The following CADM1 variants were observed in gnomAD, a reference collection of about 807,000 sequenced individuals.
CADM1 encodes cell adhesion molecule 1.
CADM1 carries 15 observed loss-of-function variants against 53.1 expected under a neutral mutation model. The ratio of observed to expected loss-of-function variants is 0.28; its 90% CI spans 0.19 to 0.44. The LOEUF (loss-of-function observed/expected upper bound fraction) is 0.44. Ranked by LOEUF, CADM1 falls within the 20% of genes least tolerant of loss-of-function variation. The pLI, the probability that CADM1 is intolerant of heterozygous loss-of-function variation, is 1.00. For missense variants in CADM1, 434 were observed against 611.3 expected (o/e 0.71, Z 3.06); for synonymous variants, 281 against 243.0 (o/e 1.16, Z -1.45).
At chr11:115,310,495 A>G (rs1944503557) in intron 1 of CADM1, among the ~76,000 whole-genome samples, 3 of 152,054 alleles carry the variant, frequency 2.0e-5, no homozygotes, top group Admixed American at 1.3e-4. Flanking sequence ...CCATGTATGT[A>G]TGGGGGGGTG....
chr11:115,461,129 ACACATACT>A (rs1343057841), intron 1 of CADM1, among the ~76,000 whole-genome samples: 11 of 152,118 alleles, frequency 7.2e-5, no homozygotes, highest in Non-Finnish European at 1.5e-4. Flanking sequence ...ACACACACAC[ACACATACT>A]TGTATTATAT....
chr11:115,369,331 G>A (rs45545346), intron 1 of CADM1, among the ~76,000 whole-genome samples: 1,847 of 152,236 alleles, frequency 0.012, 14 homozygotes, highest in Non-Finnish European at 0.022. Context: ...TAAGAAAGCT[G>A]TAATTTTTAA....
intron 10 of CADM1, among the ~76,000 whole-genome samples, chr11:115,187,134 A>G (rs1939599245): frequency 1.3e-5 from 2 of 152,254 alleles, no homozygotes; most frequent in Admixed American, 1.3e-4. Context: ...TAACTTAAAT[A>G]TATCTATACA....
intron 1 of CADM1, among the ~76,000 whole-genome samples, chr11:115,243,322 T>G (rs2134930884): frequency 6.6e-6 from 1 of 152,228 alleles, no homozygotes; most frequent in East Asian, 1.9e-4. Flanking sequence ...CCTAGCTATG[T>G]TAACATGGTT....
chr11:115,390,249 AC>A (rs1591771322), intron 1 of CADM1, among the ~76,000 whole-genome samples: 2 of 152,120 alleles, frequency 1.3e-5, no homozygotes, highest in African/African-American at 4.8e-5. Context: ...CACATTTCTT[AC>A]CACTCCTGCT....
chr11:115,327,261 G>A (rs780291753), intron 1 of CADM1, among the ~76,000 whole-genome samples: 31 of 151,982 alleles, frequency 2.0e-4, no homozygotes, highest in African/African-American at 7.0e-4. Context: ...CAAATGAAAG[G>A]CAGATCAGGA....
rs139037924 is a variant in CADM1, at chr11:115,423,678, G to C, written c.124+80593C>G. On this transcript the variant is annotated intron_variant, in intron 1 of 11. Coordinates refer to ENST00000331581, the MANE Select transcript of CADM1 (RefSeq NM_001301043.2). Reference sequence around the variant, plus strand: ...ACCTTATTAGGTAATATTGATTTAAGTAGAGGGGAACTCTTGAAGTTTTTA... The same window carrying C: ...ACCTTATTAGGTAATATTGATTTAACTAGAGGGGAACTCTTGAAGTTTTTA... Among the ~76,000 whole-genome samples, 96 of 152,290 alleles carry C rather than the reference G, an allele frequency of 6.3e-4. 1 individual carries two copies. The East Asian group carries it at 0.015, about 24-fold the overall frequency.
intron 1 of CADM1, among the ~76,000 whole-genome samples, chr11:115,463,861 T>G (rs549555772): frequency 7.9e-6 from 1 of 126,672 alleles, no homozygotes; most frequent in Non-Finnish European, 1.6e-5. Flanking sequence ...CTTTTTTTTT[T>G]TGGGCCGGGG....
Position 115,393,156 on chromosome 11 carries a change from ATGCT to A in CADM1, c.124+111111_124+111114del, listed in dbSNP as rs1027003676. On this transcript the variant is annotated intron_variant, in intron 1 of 11. Transcript: ENST00000331581. The stretch of plus-strand genomic sequence containing the variant: ...AATTATTATATAGTCTTTAAAACAT[ATGCT>A]TGAAGAATATTTACAAAGACAGAAG... Among the ~76,000 whole-genome samples, 3 of 151,536 alleles carry A rather than the reference ATGCT, an allele frequency of 2.0e-5. No homozygotes were observed. In the East Asian group the frequency reaches 5.8e-4, roughly 29 times the overall value.
At chr11:115,497,977 A>G (rs1322796046) in intron 1 of CADM1, among the ~76,000 whole-genome samples, 1 of 122,870 alleles carries the variant, frequency 8.1e-6, no homozygotes, top group Non-Finnish European at 1.8e-5. Context: ...AAGAGCCTCA[A>G]AAAAAAAAAA....
intron 1 of CADM1, among the ~76,000 whole-genome samples, chr11:115,348,134 A>T (rs1443793120): frequency 6.6e-6 from 1 of 152,196 alleles, no homozygotes; most frequent in Non-Finnish European, 1.5e-5. Context: ...CCTATTGAAA[A>T]GAGAAACCAC....
At chr11:115,416,754 A>C (rs1326639030) in intron 1 of CADM1, among the ~76,000 whole-genome samples, 1 of 151,728 alleles carries the variant, frequency 6.6e-6, no homozygotes, top group Non-Finnish European at 1.5e-5. Context: ...TTGTACTCAC[A>C]GTGTAAAAAC....
intron 1 of CADM1, among the ~76,000 whole-genome samples, chr11:115,367,310 C>G (rs1946190379): frequency 6.6e-6 from 1 of 152,168 alleles, no homozygotes; most frequent in Admixed American, 6.5e-5. Context: ...AAAAAACAAA[C>G]AAGGTGTGCT....
At position 115,173,677 on chromosome 11, in the gene CADM1, CTTCTTTTTT is replaced by C. The variant is rs1938879505; in HGVS notation, c.*2788_*2796del. The C allele has an allele frequency of 2.0e-6, 1 of 499,028 alleles. No individual in the cohort carries two copies. The highest frequency in any genetic ancestry group is 9.1e-5 in the South Asian group (1 of 10,990). 30.9% of individuals were successfully genotyped at this position (499,028 alleles called of 1,614,324 possible). A position where few individuals can be genotyped will look rare whatever the true frequency, so the allele number is the denominator to read the frequency against. On this transcript the variant is annotated 3_prime_UTR_variant, in exon 12 of 12. Coordinates refer to ENST00000331581, the MANE Select transcript of CADM1 (RefSeq NM_001301043.2). ...TTAAGAAGACAGATATTTTATAGTA[CTTCTTTTTT>C]TTCTTTTTTTTTTTGTAAAAATGGT...
chr11:115,336,004 C>G (rs1456612135), intron 1 of CADM1, among the ~76,000 whole-genome samples: 1 of 152,126 alleles, frequency 6.6e-6, no homozygotes, highest in Non-Finnish European at 1.5e-5. Flanking sequence ...TATAGTTTAA[C>G]TCAATCTCCC....
At chr11:115,495,055 A>G (rs1189980552) in intron 1 of CADM1, among the ~76,000 whole-genome samples, 1 of 152,234 alleles carries the variant, frequency 6.6e-6, no homozygotes, top group Non-Finnish European at 1.5e-5. Flanking sequence ...CGTACAAGGA[A>G]AAGTGAAATT....
chr11:115,225,967 G>C lies in CADM1; in HGVS notation c.721+3146C>G, dbSNP rs143974455. 3.0e-4 allele frequency among the ~76,000 whole-genome samples: 45 copies of C among 152,108 alleles called. 1 individual carries two copies. The highest frequency in any genetic ancestry group is 1.0e-3 in the African/African-American group (42 of 41,498). The stretch of plus-strand genomic sequence containing the variant: ...AAATCAGCCAGGCTTAAACAAGTGA[G>C]CATATTTAATACCAATAGTATCAGA... On this transcript the variant is annotated intron_variant, in intron 5 of 11. Transcript: ENST00000331581.
intron 1 of CADM1, among the ~76,000 whole-genome samples, chr11:115,325,464 A>G (rs1944936602): frequency 6.6e-6 from 1 of 152,216 alleles, no homozygotes; most frequent in Non-Finnish European, 1.5e-5. Flanking sequence ...GCAACCAAGA[A>G]TTAGATCTTA....
intron 1 of CADM1, among the ~76,000 whole-genome samples, chr11:115,294,808 G>A (rs1944005555): frequency 6.6e-6 from 1 of 152,178 alleles, no homozygotes; most frequent in African/African-American, 2.4e-5. Context: ...GAGGAGGTGG[G>A]TGGATCATCT....
Sources: gnomAD v4.1 joint callset for allele counts (sites outside exome capture counted in the v4.1 genomes callset) on GRCh38, gnomAD v4.1.1 for gene constraint, MANE v1.5 for transcripts, NCBI Gene and HGNC (gene_info 2026-07-23, HGNC 2026-07-21) for gene names.